Variants in NPTN observed in about 807,000 individuals in gnomAD.
The protein encoded by NPTN is neuroplastin, also known as SDR-1.
A neutral mutation model predicts 42.7 loss-of-function variants in NPTN; 5 were observed. The observed-to-expected ratio is 0.12, with a 90% CI of 0.06 to 0.25. The LOEUF (loss-of-function observed/expected upper bound fraction) is 0.25, where lower values mean the gene tolerates loss of function less well. Among genes scored for constraint, NPTN ranks in the 10% least tolerant of loss-of-function variants. The pLI is 1.00. For synonymous variants in NPTN, 180 were observed against 201.9 expected, an observed-to-expected ratio of 0.89 and a Z score of 0.92; for missense variants, 307 against 525.4, an observed-to-expected ratio of 0.58 and a Z score of 4.06.
At chr15:73,578,164 G>A (rs1225659981) in intron 4 of NPTN, among the ~76,000 whole-genome samples, 6 of 152,256 alleles carry the variant, frequency 3.9e-5, no homozygotes, top group Admixed American at 3.3e-4. Flanking sequence ...AGATTAGACA[G>A]GACTTTGTAG....
At position 73,569,058 on chromosome 15, in the gene NPTN, G is replaced by A. The variant is rs1895215165; in HGVS notation, c.1114+1092C>T. On this transcript the variant is annotated intron_variant, in intron 6 of 8. Coordinates refer to ENST00000345330, the MANE Select transcript of NPTN (RefSeq NM_012428.4). This position sits in a 1 kb window ranked among gnomAD's most constrained non-coding sequence, Gnocchi z 4.1. ...ACAGCACCACAGGTGCACAAACACAGGCCCCAGAACAGCTGGACTACAGCT... is the reference window on the plus strand; with the variant it reads ...ACAGCACCACAGGTGCACAAACACAAGCCCCAGAACAGCTGGACTACAGCT... 3.0e-6 allele frequency: 3 copies of A among 985,386 alleles called. No homozygotes were observed. The highest frequency in any genetic ancestry group is 3.6e-6 in the Non-Finnish European group (3 of 830,016). The allele number at this position is 985,386 out of a possible 1,614,324, so 61.0% of individuals were successfully genotyped here.
At position 73,569,444 on chromosome 15, in the gene NPTN, G is replaced by C. The variant is rs925547663; in HGVS notation, c.1114+706C>G. ...CCCTTCTCTGACCCTAGGCCAGCTT[G>C]AGGGCACAGCCTCGGGGCATGGACT... On this transcript the variant is annotated intron_variant, in intron 6 of 8. Transcript: ENST00000345330. The surrounding 1 kb of genome is among the most constrained non-coding windows in gnomAD (Gnocchi z 4.1). 16 of 985,826 alleles carry C rather than the reference G, an allele frequency of 1.6e-5. No individual in the cohort carries two copies. The highest frequency in any genetic ancestry group is 8.7e-5 in the African/African-American group (5 of 57,240). The allele number at this position is 985,826 out of a possible 1,614,324, so 61.1% of individuals were successfully genotyped here.
In NPTN at chr15:73,601,702, C is replaced by T. The variant is rs765044647; in HGVS notation, c.92-4333G>A. 5.1e-4 allele frequency among the ~76,000 whole-genome samples: 77 copies of T among 152,210 alleles called. 4 individuals carry two copies. The highest frequency in any genetic ancestry group is 2.2e-4 in the Non-Finnish European group (15 of 68,034). ...CCTACCCCACCCTCTTCCCCACCATCGTCTCCACCCACTATCTTAAGTGAC... is the reference window on the plus strand; with the variant it reads ...CCTACCCCACCCTCTTCCCCACCATTGTCTCCACCCACTATCTTAAGTGAC... On this transcript the variant is annotated intron_variant, in intron 1 of 8. Transcript: ENST00000345330.
intron 1 of NPTN, among the ~76,000 whole-genome samples, chr15:73,599,968 C>G (rs779718552): frequency 7.0e-4 from 107 of 152,188 alleles, no homozygotes; most frequent in Non-Finnish European, 7.2e-4. Context: ...GTTTATCAAT[C>G]TGTTGACAAT....
intron 1 of NPTN, among the ~76,000 whole-genome samples, chr15:73,622,406 C>T (rs1028882061): frequency 1.3e-5 from 2 of 150,690 alleles, no homozygotes; most frequent in Non-Finnish European, 2.9e-5. Flanking sequence ...AATCCTTAAA[C>T]GAGAAGTCCC....
At chr15:73,592,198 TGA>T in intron 2 of NPTN, 61 bp from the exon 3 acceptor site, 1 of 1,465,984 alleles carries the variant, frequency 6.8e-7, no homozygotes, top group Non-Finnish European at 9.3e-7. Flanking sequence ...AGCCCTGGCC[TGA>T]GAGTTGGACG....
chr15:73,599,177 T>C (rs1344886509), intron 1 of NPTN, among the ~76,000 whole-genome samples: 1 of 151,832 alleles, frequency 6.6e-6, no homozygotes. Flanking sequence ...GGAGAAGCTT[T>C]AGAATTACAG....
At chr15:73,561,675 A>AT (rs1387963058) in intron 8 of NPTN, among the ~76,000 whole-genome samples, 4 of 152,130 alleles carry the variant, frequency 2.6e-5, no homozygotes, top group Admixed American at 6.5e-5. Flanking sequence ...GTGAGACTCC[A>AT]TCTTAAAAAA....
chr15:73,583,980 C>A (rs1896190372), intron 4 of NPTN, among the ~76,000 whole-genome samples: 1 of 152,180 alleles, frequency 6.6e-6, no homozygotes, highest in African/African-American at 2.4e-5. Flanking sequence ...AGGGCAAGGC[C>A]ACTTATAGAA....
intron 4 of NPTN, among the ~76,000 whole-genome samples, chr15:73,578,681 C>T (rs77173763): frequency 0.029 from 4,446 of 152,204 alleles, 249 homozygotes; most frequent in African/African-American, 0.1. Flanking sequence ...GTTTAAGATA[C>T]TTATTTAACA....
intron 2 of NPTN, among the ~76,000 whole-genome samples, chr15:73,596,342 T>C (rs1250373711): frequency 6.6e-6 from 1 of 152,102 alleles, no homozygotes; most frequent in African/African-American, 2.4e-5. Flanking sequence ...GCTGGAACTA[T>C]GAAAATATCC....
chr15:73,578,021 G>A (rs1004005756), intron 4 of NPTN, among the ~76,000 whole-genome samples: 3 of 152,156 alleles, frequency 2.0e-5, no homozygotes, highest in Non-Finnish European at 2.9e-5. Context: ...ACTCTAGGTC[G>A]AGGGAAATGC....
chr15:73,633,038 C>G lies in NPTN; in HGVS notation c.91+87G>C. On this transcript the variant is annotated intron_variant, in intron 1 of 8. Coordinates refer to ENST00000345330, the MANE Select transcript of NPTN (RefSeq NM_012428.4). Reference sequence around the variant, plus strand: ...CCCACTCGGCCCCCTTCCCCGAGCTCCAGCGTCTCCTCAGGCCAGAGCCGG... The same window carrying G: ...CCCACTCGGCCCCCTTCCCCGAGCTGCAGCGTCTCCTCAGGCCAGAGCCGG... 10 of 967,384 alleles carry G rather than the reference C, an allele frequency of 1.0e-5. 2 individuals are homozygous for G. The South Asian group carries it at 2.5e-4, about 24-fold the overall frequency. The allele number at this position is 967,384 out of a possible 1,614,324, so 59.9% of individuals were successfully genotyped here. A position where few individuals can be genotyped will look rare whatever the true frequency, so the allele number is the denominator to read the frequency against.
chr15:73,579,255 G>A (rs1184870614), intron 4 of NPTN, among the ~76,000 whole-genome samples: 1 of 148,972 alleles, frequency 6.7e-6, no homozygotes, highest in Non-Finnish European at 1.5e-5. Context: ...CTCCAGCCTG[G>A]GCGACAGAGG....
chr15:73,594,162 A>G (rs1896725255), intron 2 of NPTN, among the ~76,000 whole-genome samples: 1 of 152,186 alleles, frequency 6.6e-6, no homozygotes, highest in Non-Finnish European at 1.5e-5. Context: ...TTATTATCCA[A>G]TTTCATTTTC....
At chr15:73,619,425 A>G (rs567536653) in intron 1 of NPTN, among the ~76,000 whole-genome samples, 1 of 152,334 alleles carries the variant, frequency 6.6e-6, no homozygotes, top group South Asian at 2.1e-4. Context: ...CATGCTGCTA[A>G]ATTTCTAAGT....
chr15:73,566,230 A>G (rs1325106819), intron 6 of NPTN, among the ~76,000 whole-genome samples: 1 of 152,204 alleles, frequency 6.6e-6, no homozygotes, highest in Non-Finnish European at 1.5e-5. Context: ...CTTTTCCAAT[A>G]TCCCTAGTCT....
intron 7 of NPTN, 117 bp from the exon 8 acceptor site, chr15:73,562,087 T>C (rs1445587484): frequency 1.3e-6 from 1 of 760,562 alleles, no homozygotes; most frequent in Non-Finnish European, 2.2e-6. Context: ...AGTGAGAAAT[T>C]TTGTGGCACA....
intron 1 of NPTN, among the ~76,000 whole-genome samples, chr15:73,604,740 T>C (rs1445706438): frequency 6.6e-6 from 1 of 152,234 alleles, no homozygotes; most frequent in Non-Finnish European, 1.5e-5. Context: ...AAGATTCACA[T>C]GAACAATGTA....
Sources: allele counts gnomAD v4.1 joint callset (sites outside exome capture counted in the v4.1 genomes callset), GRCh38; gene constraint gnomAD v4.1.1; non-coding constraint Gnocchi (gnomAD v3.1); transcripts MANE v1.5; gene names NCBI Gene and HGNC (gene_info 2026-07-23, HGNC 2026-07-21).